Variants in PTPRM observed in about 807,000 individuals in gnomAD.
PTPRM encodes protein tyrosine phosphatase receptor type M, also known as receptor-type tyrosine-protein phosphatase mu.
PTPRM carries 47 observed loss-of-function variants against 186.7 expected under a neutral mutation model. That is an observed-to-expected ratio of 0.25 (90% CI 0.20 to 0.32). The LOEUF (loss-of-function observed/expected upper bound fraction) is 0.32. Ranked by LOEUF, PTPRM falls within the 10% of genes least tolerant of loss-of-function variation. The pLI is 1.00. For synonymous variants in PTPRM, 668 were observed against 674.9 expected (o/e 0.99, Z 0.16); for missense variants, 1,494 against 1,865.0 (o/e 0.80, Z 3.66).
chr18:7,930,021 T>C (rs1306520381), intron 5 of PTPRM, among the ~76,000 whole-genome samples: 3 of 152,208 alleles, frequency 2.0e-5, no homozygotes, highest in Non-Finnish European at 4.4e-5. Context: ...ATTTAGAAAT[T>C]AATAATACAT....
chr18:7,890,072 G>A (rs955285080), intron 3 of PTPRM, among the ~76,000 whole-genome samples: 1 of 152,200 alleles, frequency 6.6e-6, no homozygotes, highest in Non-Finnish European at 1.5e-5. Flanking sequence ...GTGACAATGG[G>A]CATTTGGAGA....
At position 8,378,335 on chromosome 18, in the gene PTPRM, C is replaced by T. The variant is rs1407423822; in HGVS notation, c.3533C>T (p.Ser1178Phe). The change falls in exon 27 of 33, where the codon TCC becomes TTC. Residue 1178 changes from serine (S) to phenylalanine (F), a missense_variant. By Grantham distance (155) the Ser-to-Phe change is radical. This residue lies in a region of PTPRM where 1,107 missense variants were observed against 1,350.2 expected (regional missense o/e 0.82). Coordinates refer to ENST00000580170, the MANE Select transcript of PTPRM (RefSeq NM_001105244.2). ...TGTGGGGACACCTCTGTGCCTGCTT[C>T]CCAAGTTAGGTCTCTGTATTATGAC... Reference protein sequence around the residue: ...CLCGDTSVPASQVRSLYYDMN... With the variant: ...CLCGDTSVPAFQVRSLYYDMN... The T allele has an allele frequency of 6.2e-7, 1 of 1,613,594 alleles. No homozygotes were observed. The highest frequency in any genetic ancestry group is 1.7e-5 in the Admixed American group (1 of 60,008).
At chr18:8,072,624 C>T (rs926433517) in intron 8 of PTPRM, among the ~76,000 whole-genome samples, 1 of 152,062 alleles carries the variant, frequency 6.6e-6, no homozygotes, top group Non-Finnish European at 1.5e-5. Flanking sequence ...TTTGTTTATC[C>T]ATCAACAAAA....
chr18:8,244,275 AG>A (rs1265905238), intron 15 of PTPRM, 66 bp downstream of exon 15: 2 of 1,157,658 alleles, frequency 1.7e-6, no homozygotes, highest in Non-Finnish European at 2.3e-6. Flanking sequence ...AGGTGGTACT[AG>A]GGGATTTCAA....
intron 1 of PTPRM, among the ~76,000 whole-genome samples, chr18:7,691,506 G>A (rs572532920): frequency 2.6e-5 from 4 of 152,072 alleles, no homozygotes; most frequent in Non-Finnish European, 5.9e-5. Flanking sequence ...TCGGTATTTC[G>A]GTGCCTTTTC....
intron 5 of PTPRM, among the ~76,000 whole-genome samples, chr18:7,926,940 G>A (rs2051207773): frequency 6.6e-6 from 1 of 151,736 alleles, no homozygotes; most frequent in African/African-American, 2.4e-5. Flanking sequence ...TACTTATATG[G>A]CAGTTTATTA....
At chr18:8,188,447 C>T (rs1445876063) in intron 14 of PTPRM, among the ~76,000 whole-genome samples, 1 of 152,136 alleles carries the variant, frequency 6.6e-6, no homozygotes, top group East Asian at 1.9e-4. Context: ...CTGAACACTT[C>T]CTGTATGTAA....
intron 2 of PTPRM, among the ~76,000 whole-genome samples, chr18:7,838,283 T>C (rs1215181375): frequency 2.0e-5 from 3 of 152,164 alleles, no homozygotes; most frequent in Admixed American, 1.3e-4. Flanking sequence ...TCACTCACTA[T>C]CATGAGAAAA....
At chr18:8,050,151 A>G (rs2087375165) in intron 7 of PTPRM, among the ~76,000 whole-genome samples, 1 of 152,238 alleles carries the variant, frequency 6.6e-6, no homozygotes, top group Non-Finnish European at 1.5e-5. Context: ...ATCAGTCTGA[A>G]CAGAGATATT....
chr18:8,312,315 A>G (rs600032), intron 20 of PTPRM, among the ~76,000 whole-genome samples: 13,581 of 152,142 alleles, frequency 0.089, 1,030 homozygotes, highest in Admixed American at 0.2. Context: ...AACCCCCAAC[A>G]GTGGAAAACA....
At chr18:8,350,026 G>T (rs1036229961) in intron 23 of PTPRM, among the ~76,000 whole-genome samples, 1 of 152,174 alleles carries the variant, frequency 6.6e-6, no homozygotes, top group Non-Finnish European at 1.5e-5. Context: ...CAGGTTGAAG[G>T]TTCAGGGCCT....
intron 13 of PTPRM, among the ~76,000 whole-genome samples, chr18:8,127,418 G>GTTTTTTTTTTTTTTTTTTTTT (rs10700223): frequency 7.5e-6 from 1 of 133,828 alleles, no homozygotes; most frequent in African/African-American, 2.8e-5. Flanking sequence ...CAGCTGTATT[G>GTTTTTTTTTTTTTTTTTTTTT]TTTTTTTTTT....
At chr18:7,604,044 T>G (rs1316431676) in intron 1 of PTPRM, among the ~76,000 whole-genome samples, 1 of 152,248 alleles carries the variant, frequency 6.6e-6, no homozygotes, top group Non-Finnish European at 1.5e-5. Context: ...GTTTTTCTTT[T>G]TTCACACAAG....
At chr18:7,840,075 G>C (rs1172962526) in intron 2 of PTPRM, among the ~76,000 whole-genome samples, 1 of 139,912 alleles carries the variant, frequency 7.1e-6, no homozygotes, top group Admixed American at 7.2e-5. Context: ...GGGGTGGGGG[G>C]TGGGGTGGAG....
At chr18:7,957,435 A>G (rs528534792) in intron 7 of PTPRM, among the ~76,000 whole-genome samples, 4 of 152,324 alleles carry the variant, frequency 2.6e-5, no homozygotes, top group Admixed American at 2.6e-4. Flanking sequence ...CTGTGCCTCA[A>G]TGTATGAAAC....
chr18:8,079,623 C>T (rs2090020604), intron 9 of PTPRM, among the ~76,000 whole-genome samples: 2 of 151,956 alleles, frequency 1.3e-5, no homozygotes, highest in Middle Eastern at 3.4e-3. Flanking sequence ...TATGAGACTC[C>T]CACCTCACAT....
intron 8 of PTPRM, among the ~76,000 whole-genome samples, chr18:8,072,912 A>G (rs760689866): frequency 1.8e-4 from 28 of 152,122 alleles, no homozygotes; most frequent in Non-Finnish European, 3.4e-4. Context: ...ATTTATTCAT[A>G]TTGTTTTAAT....
chr18:7,782,978 T>C (rs2042927014), intron 2 of PTPRM, among the ~76,000 whole-genome samples: 1 of 152,218 alleles, frequency 6.6e-6, no homozygotes, highest in Admixed American at 6.5e-5. Context: ...TAGCTGTGTT[T>C]TAAATATTTG....
At chr18:8,237,077 G>C (rs2094353582) in intron 14 of PTPRM, among the ~76,000 whole-genome samples, 1 of 151,926 alleles carries the variant, frequency 6.6e-6, no homozygotes, top group African/African-American at 2.4e-5. Flanking sequence ...TTTACAGCTA[G>C]TCCAAGTCTA....
Sources: allele counts gnomAD v4.1 joint callset (sites outside exome capture counted in the v4.1 genomes callset), GRCh38; gene constraint gnomAD v4.1.1; regional missense constraint gnomAD v4.1.1; transcripts MANE v1.5; gene names NCBI Gene and HGNC (gene_info 2026-07-23, HGNC 2026-07-21).